Variants in CIB2 observed in about 807,000 individuals in gnomAD.
CIB2 encodes calcium and integrin binding family member 2, also known as calcium and integrin-binding family member 2.
CIB2 carries 19 observed loss-of-function variants against 23.1 expected under a neutral mutation model. That is an observed-to-expected ratio of 0.82 (90% CI 0.57 to 1.21). CIB2 has a LOEUF of 1.21. Among genes scored for constraint, CIB2 ranks in the 50% most tolerant of loss-of-function variants. The pLI, the probability that CIB2 is intolerant of heterozygous loss-of-function variation, is 0.00. For missense variants in CIB2, 220 were observed against 241.5 expected (o/e 0.91, Z 0.59); for synonymous variants, 94 against 91.7 (o/e 1.03, Z -0.14).
chr15:78,118,937 T>C (rs1490393668), intron 2 of CIB2, among the ~76,000 whole-genome samples: 2 of 152,090 alleles, frequency 1.3e-5, no homozygotes, highest in Non-Finnish European at 2.9e-5. Context: ...TCCTAGCACT[T>C]TGGGAGGCAG....
At chr15:78,106,011 T>A in intron 4 of CIB2, 77 bp from the exon 5 acceptor site, 1 of 1,229,724 alleles carries the variant, frequency 8.1e-7, no homozygotes, top group Admixed American at 1.8e-5. Context: ...CTCTTCCTCC[T>A]AGCTGGCCCC....
rs761291382 is a variant in CIB2 at position 78,123,732 on chromosome 15, G to A, written c.59C>T (p.Thr20Ile). The change falls in exon 2 of 6, where the codon ACC (threonine) becomes ATC (isoleucine). Residue 20 changes from threonine (T) to isoleucine (I), a missense_variant. Transcript: ENST00000258930. ...EEQLDNYQDC[T>I]FFNKKDILKL... ...GAGGATGTCCTTCTTATTGAAGAAG[G>A]TGCAGTCCTGTTGAGGGAAAACACA... 1.2e-6 allele frequency: 2 copies of A among 1,614,112 alleles called. No individual in the cohort carries two copies. Among genetic ancestry groups the A allele is most frequent in the East Asian group, 4.5e-5 (2 of 44,876 alleles).
In CIB2 at chr15:78,104,936, G is replaced by A. The variant is rs2074042032; in HGVS notation, c.*375C>T. Reference sequence around the variant, plus strand: ...TTTTTTTTTCCGCTCTGTCCTGGGTGACCAGGGTGTCTGCCAGCACTTGGA... The same window carrying A: ...TTTTTTTTTCCGCTCTGTCCTGGGTAACCAGGGTGTCTGCCAGCACTTGGA... On this transcript the variant is annotated 3_prime_UTR_variant, in exon 6 of 6. Coordinates refer to ENST00000258930, the MANE Select transcript of CIB2 (RefSeq NM_006383.4). This position sits in a 1 kb window ranked among gnomAD's most constrained non-coding sequence, Gnocchi z 4.4. The A allele has an allele frequency of 3.9e-6, 1 of 259,394 alleles. No individual in the cohort carries two copies. Among genetic ancestry groups the A allele is most frequent in the African/African-American group, 2.2e-5 (1 of 46,280 alleles). The allele number at this position is 259,394 out of a possible 1,614,324, so 16.1% of individuals were successfully genotyped here.
At chr15:78,124,966 T>G (rs894771460) in intron 1 of CIB2, among the ~76,000 whole-genome samples, 3 of 152,158 alleles carry the variant, frequency 2.0e-5, no homozygotes, top group African/African-American at 7.2e-5. Flanking sequence ...GGAGAGCTGG[T>G]GGGAATTTCC....
In CIB2 at chr15:78,131,160, C is replaced by G; in HGVS notation, c.51+5G>C. On this transcript the variant is annotated splice_donor_5th_base_variant and intron_variant, in intron 1 of 5. Transcript: ENST00000258930. The surrounding 1 kb of genome is among the most constrained non-coding windows in gnomAD (Gnocchi z 5.8). The stretch of plus-strand genomic sequence containing the variant: ...TGTGTTGGGGGCCGGGCGCGCCGAG[C>G]TCACCTGGTAGTTGTCTAGCTGCTC... 1 of 1,586,508 alleles carries G rather than the reference C, an allele frequency of 6.3e-7. No individual in the cohort carries two copies. Among genetic ancestry groups the G allele is most frequent in the South Asian group, 1.1e-5 (1 of 88,612 alleles).
intron 4 of CIB2, among the ~76,000 whole-genome samples, chr15:78,107,056 G>A (rs542564040): frequency 1.3e-4 from 19 of 151,302 alleles, no homozygotes; most frequent in African/African-American, 4.4e-4. Flanking sequence ...GTGAAACCCC[G>A]TCTCTACTAA....
chr15:78,128,826 G>A (rs1180682243), intron 1 of CIB2, among the ~76,000 whole-genome samples: 1 of 152,186 alleles, frequency 6.6e-6, no homozygotes, highest in African/African-American at 2.4e-5. Context: ...GCAGGAGACT[G>A]AGCAGGCCTA....
At chr15:78,120,683 G>A (rs2074305654) in intron 2 of CIB2, 6 of 985,494 alleles carry the variant, frequency 6.1e-6, no homozygotes, top group East Asian at 1.1e-4. Context: ...CAGGGCAGAG[G>A]GAAGGAGAAT....
intron 1 of CIB2, among the ~76,000 whole-genome samples, chr15:78,130,462 C>A (rs2074438769): frequency 6.6e-6 from 1 of 152,150 alleles, no homozygotes; most frequent in Non-Finnish European, 1.5e-5. Context: ...ATCCTGCAAC[C>A]ACAGCGAAGT....
intron 1 of CIB2, among the ~76,000 whole-genome samples, chr15:78,129,215 G>A (rs1446841071): frequency 1.3e-5 from 2 of 152,128 alleles, no homozygotes; most frequent in Non-Finnish European, 1.5e-5. Context: ...CTCAGCCCGG[G>A]CTGGCAATGG....
At chr15:78,129,054 T>A (rs988097960) in intron 1 of CIB2, among the ~76,000 whole-genome samples, 1 of 152,122 alleles carries the variant, frequency 6.6e-6, no homozygotes, top group African/African-American at 2.4e-5. Context: ...AGGAGTGTTC[T>A]GGACAGAAGC....
intron 4 of CIB2, among the ~76,000 whole-genome samples, chr15:78,107,502 T>A (rs1191638463): frequency 6.6e-6 from 1 of 151,996 alleles, no homozygotes; most frequent in Non-Finnish European, 1.5e-5. Context: ...GGCTCAGAAG[T>A]GAGATGATCA....
chr15:78,110,603 G>A, intron 3 of CIB2: 1 of 451,476 alleles, frequency 2.2e-6, no homozygotes. Flanking sequence ...AGGAACTCAT[G>A]AAACGAAACA....
chr15:78,111,061 G>T, intron 3 of CIB2, 104 bp downstream of exon 3: 1 of 931,868 alleles, frequency 1.1e-6, no homozygotes. Context: ...TCAGAGCCAC[G>T]CAGACACAAA....
At chr15:78,113,537 T>TTTCTTTCTTTCTTTCTTTCTTTC (rs757432232) in intron 2 of CIB2, among the ~76,000 whole-genome samples, 2 of 47,394 alleles carry the variant, frequency 4.2e-5, no homozygotes, top group African/African-American at 9.9e-5. Flanking sequence ...TCTTTCTTTC[T>TTTCTTTCTTTCTTTCTTTCTTTC]TTTTTTTTTT....
At chr15:78,107,489 T>C in intron 4 of CIB2, among the ~76,000 whole-genome samples, 1 of 152,174 alleles carries the variant, frequency 6.6e-6, no homozygotes, top group East Asian at 1.9e-4. Context: ...CTGAGTAAAC[T>C]GAGGCTCAGA....
intron 2 of CIB2, among the ~76,000 whole-genome samples, chr15:78,119,456 G>A (rs901489609): frequency 2.0e-5 from 3 of 152,118 alleles, no homozygotes; most frequent in Admixed American, 2.0e-4. Context: ...TAGAATTGCT[G>A]GATCATGTGG....
At chr15:78,109,019 A>G (rs566425884) in intron 4 of CIB2, among the ~76,000 whole-genome samples, 1 of 152,214 alleles carries the variant, frequency 6.6e-6, no homozygotes, top group Non-Finnish European at 1.5e-5. Flanking sequence ...GGGATGGGTG[A>G]GTCCCTCCCT....
chr15:78,131,242 GC>G lies in CIB2; in HGVS notation c.-28del. On this transcript the variant is annotated 5_prime_UTR_variant, in exon 1 of 6. Coordinates refer to ENST00000258930, the MANE Select transcript of CIB2 (RefSeq NM_006383.4). This position sits in a 1 kb window ranked among gnomAD's most constrained non-coding sequence, Gnocchi z 5.8. ...GTGGCCGCCGCGCCGCCGCTCGCCC[GC>G]CCGGGCTCCGACTCCCATCAGCGGC... 1 of 1,477,540 alleles carries G rather than the reference GC, an allele frequency of 6.8e-7. No homozygotes were observed. Among genetic ancestry groups the G allele is most frequent in the Non-Finnish European group, 9.0e-7 (1 of 1,109,302 alleles). 91.5% of individuals were successfully genotyped at this position (1,477,540 alleles called of 1,614,324 possible).
Sources: gnomAD v4.1 joint callset for allele counts (sites outside exome capture counted in the v4.1 genomes callset) on GRCh38, gnomAD v4.1.1 for gene constraint, Gnocchi (gnomAD v3.1) non-coding constraint, MANE v1.5 for transcripts, NCBI Gene and HGNC (gene_info 2026-07-23, HGNC 2026-07-21) for gene names.